ARID3A: variants seen among roughly 807,000 people sequenced by gnomAD.
ARID3A encodes AT-rich interactive domain-containing protein 3A.
In ARID3A, 11 loss-of-function variants were observed where a neutral mutation model predicts 52.7. The ratio of observed to expected loss-of-function variants is 0.21; its 90% confidence interval spans 0.13 to 0.35. ARID3A has a LOEUF of 0.35. Ranked by LOEUF, ARID3A falls within the 10% of genes least tolerant of loss-of-function variation. ARID3A has a pLI of 1.00. For synonymous variants in ARID3A, 404 were observed against 359.4 expected, an observed-to-expected ratio of 1.12 and a Z score of -1.40; for missense variants, 721 against 838.5, an observed-to-expected ratio of 0.86 and a Z score of 1.73.
At chr19:966,270 G>A (rs1308327492) in intron 6 of ARID3A, among the ~76,000 whole-genome samples, 1 of 151,658 alleles carries the variant, frequency 6.6e-6, no homozygotes, top group South Asian at 2.1e-4. Context: ...GACCAGCCTG[G>A]CCAACATGAA....
rs1030325099 is a variant in ARID3A, at chr19:929,975, A to G, written c.368+79A>G. The G allele has an allele frequency of 2.6e-6, 4 of 1,510,084 alleles. No homozygotes were observed. In the African/African-American group the frequency reaches 4.2e-5, roughly 16 times the overall value. 93.5% of individuals were successfully genotyped at this position (1,510,084 alleles called of 1,614,324 possible). A position where few individuals can be genotyped will look rare whatever the true frequency, so the allele number is the denominator to read the frequency against. On this transcript the variant is annotated intron_variant, in intron 2 of 8. Coordinates refer to ENST00000263620, the MANE Select transcript of ARID3A (RefSeq NM_005224.3). The surrounding 1 kb of genome is among the most constrained non-coding windows in gnomAD (Gnocchi z 6.2). ...TCACTCTGCTCATCTGCAGAATGGG[A>G]GTAAGGGTCAGGTCGCGGGATCTCC...
chr19:950,056 CAGAGTGA>C (rs1349271979), intron 3 of ARID3A, among the ~76,000 whole-genome samples: 1 of 146,322 alleles, frequency 6.8e-6, no homozygotes, highest in African/African-American at 2.5e-5. Context: ...AGGCCGTCCC[CAGAGTGA>C]ACGGATGGAT....
At chr19:965,141 C>A in intron 6 of ARID3A, 61 bp downstream of exon 6, 1 of 1,510,958 alleles carries the variant, frequency 6.6e-7, no homozygotes, top group Non-Finnish European at 8.9e-7. Context: ...GGCTGTCTGA[C>A]CTTGGGGGAT....
intron 3 of ARID3A, among the ~76,000 whole-genome samples, chr19:946,044 GA>G (rs2037671992): frequency 6.6e-6 from 1 of 152,046 alleles, no homozygotes; most frequent in Admixed American, 6.6e-5. Flanking sequence ...TCTCAGCAGG[GA>G]AAAATGAGGC....
chr19:966,918 G>C (rs773749032), intron 7 of ARID3A, 50 bp downstream of exon 7: 2 of 1,545,620 alleles, frequency 1.3e-6, no homozygotes, highest in East Asian at 4.5e-5. Context: ...GTGTCACACA[G>C]TGAGGGCCTT....
At chr19:951,390 C>T (rs183739999) in intron 3 of ARID3A, among the ~76,000 whole-genome samples, 38 of 151,976 alleles carry the variant, frequency 2.5e-4, no homozygotes, top group Admixed American at 2.5e-3. Context: ...AACCCCATCT[C>T]TACTAAAAAT....
chr19:944,508 C>T lies in ARID3A; in HGVS notation c.693+11766C>T, dbSNP rs1024806423. Among the ~76,000 whole-genome samples the T allele has an allele frequency of 7.2e-5, 11 of 152,170 alleles. No homozygotes were observed. Among genetic ancestry groups the T allele is most frequent in the Admixed American group, 5.9e-4 (9 of 15,278 alleles). On this transcript the variant is annotated intron_variant, in intron 3 of 8. Transcript: ENST00000263620. The surrounding 1 kb of genome is among the most constrained non-coding windows in gnomAD (Gnocchi z 5.9). ...ACCTTGACCCATCTCAGGGGCACCA[C>T]GCTCACTGCTACAAATGTGGGTCTT...
rs1452943053 is a variant in ARID3A, at chr19:973,131, G to A, written c.*1066G>A. The A allele has an allele frequency of 1.2e-3, 9 of 7,406 alleles. No individual in the cohort carries two copies. Among genetic ancestry groups the A allele is most frequent in the Non-Finnish European group, 2.2e-3 (5 of 2,254 alleles). 0.5% of individuals were successfully genotyped at this position (7,406 alleles called of 1,614,324 possible). ...TTTTTTTTTTTTTTTTTTTTGAGAC[G>A]GAGTTTTGCTCTTGTCGCCCAGGCT... On this transcript the variant is annotated 3_prime_UTR_variant, in exon 9 of 9. Transcript: ENST00000263620.
Position 938,024 on chromosome 19 carries a change from A to C in ARID3A, c.693+5282A>C, listed in dbSNP as rs1246375157. Among the ~76,000 whole-genome samples the C allele has an allele frequency of 6.6e-6, 1 of 151,422 alleles. No homozygotes were observed. Among genetic ancestry groups the C allele is most frequent in the African/African-American group, 2.4e-5 (1 of 41,168 alleles). On this transcript the variant is annotated intron_variant, in intron 3 of 8. Coordinates refer to ENST00000263620, the MANE Select transcript of ARID3A (RefSeq NM_005224.3). This position sits in a 1 kb window ranked among gnomAD's most constrained non-coding sequence, Gnocchi z 4.0. ...CGCCCGGCTAATTTTTTGTATTTTT[A>C]GTAGAGACGGGGTTTCACCGTGTTG...
At chr19:951,037 G>T (rs965426560) in intron 3 of ARID3A, among the ~76,000 whole-genome samples, 3 of 151,840 alleles carry the variant, frequency 2.0e-5, no homozygotes, top group African/African-American at 7.2e-5. Context: ...GGTCAGGCTG[G>T]TCTCAAACTC....
At chr19:967,044 G>A (rs1040725827) in intron 7 of ARID3A, among the ~76,000 whole-genome samples, 176 bp downstream of exon 7, 2 of 152,132 alleles carry the variant, frequency 1.3e-5, no homozygotes, top group African/African-American at 4.8e-5. Flanking sequence ...GATCACTTGA[G>A]GTCAGGAGTT....
chr19:947,317 C>T lies in ARID3A; in HGVS notation c.694-12775C>T, dbSNP rs1209464934. 2.0e-5 allele frequency among the ~76,000 whole-genome samples: 3 copies of T among 152,180 alleles called. No individual in the cohort carries two copies. Among genetic ancestry groups the T allele is most frequent in the African/African-American group, 7.2e-5 (3 of 41,420 alleles). ...AGGGACTGCGGGCCCCAGATTTCCA[C>T]GTCATATCTCGCCGCCATGGGGCTG... On this transcript the variant is annotated intron_variant, in intron 3 of 8. Transcript: ENST00000263620. This position sits in a 1 kb window ranked among gnomAD's most constrained non-coding sequence, Gnocchi z 6.3.
intron 8 of ARID3A, among the ~76,000 whole-genome samples, chr19:970,498 C>CTTTT (rs1177419405): frequency 1.8e-4 from 16 of 88,342 alleles, no homozygotes; most frequent in Non-Finnish European, 3.2e-4. Context: ...AATAGTTTTT[C>CTTTT]TTTTTTTTTT....
chr19:932,591 A>C lies in ARID3A; in HGVS notation c.542A>C (p.Gln181Pro), dbSNP rs995146387. The part of the protein sequence containing the change: ...ALFPRKAQPP[Q>P]AFRGDGVPRV... Reference sequence around the variant, plus strand: ...TTCCCCCGAAAGGCCCAGCCACCCCAGGCCTTCCGCGGCGATGGCGTTCCC... The same window carrying C: ...TTCCCCCGAAAGGCCCAGCCACCCCCGGCCTTCCGCGGCGATGGCGTTCCC... Residue 181 changes from glutamine to proline, a missense_variant, in exon 3 of 9, where the codon CAG becomes CCG. Physicochemically the swap from Gln to Pro is moderately conservative, Grantham distance 76. Around this residue, in one of 5 missense-constraint regions of ARID3A, gnomAD observed 349 missense variants for 297.3 expected, o/e 1.17. Transcript: ENST00000263620. 1 of 1,516,142 alleles carries C rather than the reference A, an allele frequency of 6.6e-7. No homozygotes were observed. The highest frequency in any genetic ancestry group is 1.4e-5 in the African/African-American group (1 of 70,956). 93.9% of individuals were successfully genotyped at this position (1,516,142 alleles called of 1,614,324 possible). A position where few individuals can be genotyped will look rare whatever the true frequency, so the allele number is the denominator to read the frequency against.
intron 8 of ARID3A, among the ~76,000 whole-genome samples, chr19:969,836 G>C (rs1264673791): frequency 0.012 from 1,847 of 151,102 alleles, 41 homozygotes; most frequent in African/African-American, 0.042. Context: ...CTACAGGCGT[G>C]TGTCACCACA....
chr19:966,021 T>C (rs893720602), intron 6 of ARID3A, among the ~76,000 whole-genome samples: 5 of 145,038 alleles, frequency 3.4e-5, no homozygotes, highest in African/African-American at 5.1e-5. Flanking sequence ...ATTAGCTTAG[T>C]GTGGTGGTGG....
At chr19:968,527 T>A (rs779802062) in intron 8 of ARID3A, 24 bp downstream of exon 8, 1 of 1,607,240 alleles carries the variant, frequency 6.2e-7, no homozygotes, top group East Asian at 2.2e-5. Flanking sequence ...GGCCACGCCC[T>A]GCCTGGACCT....
chr19:972,819 A>C lies in ARID3A; in HGVS notation c.*754A>C, dbSNP rs997935342. Reference sequence around the variant, plus strand: ...AAAAAAGCAAAAAAAAAAAAAAAAAAAAAAAAAAAAAACTCACCTTTTTAT... The same window carrying C: ...AAAAAAGCAAAAAAAAAAAAAAAAACAAAAAAAAAAAACTCACCTTTTTAT... On this transcript the variant is annotated 3_prime_UTR_variant, in exon 9 of 9. Transcript: ENST00000263620. The C allele has an allele frequency of 9.3e-5, 17 of 183,656 alleles. No homozygotes were observed. The highest frequency in any genetic ancestry group is 5.0e-4 in the Admixed American group (8 of 15,958). The allele number at this position is 183,656 out of a possible 1,614,324, so 11.4% of individuals were successfully genotyped here. A position where few individuals can be genotyped will look rare whatever the true frequency, so the allele number is the denominator to read the frequency against.
chr19:974,476 TCCCACGCCTGGGC>T lies in ARID3A; in HGVS notation c.*2415_*2427del, dbSNP rs994937776. The T allele has an allele frequency of 1.3e-5, 3 of 230,546 alleles. No homozygotes were observed. The highest frequency in any genetic ancestry group is 6.7e-5 in the African/African-American group (3 of 45,094). The allele number at this position is 230,546 out of a possible 1,614,324, so 14.3% of individuals were successfully genotyped here. On this transcript the variant is annotated 3_prime_UTR_variant, in exon 9 of 9. Coordinates refer to ENST00000263620, the MANE Select transcript of ARID3A (RefSeq NM_005224.3). ...CAGGGCTCCTCTCCCGGGACCCCCG[TCCCACGCCTGGGC>T]CCCGCGCCGGGGGAAGCGCCTGCTG... is the stretch of plus-strand genomic sequence containing the variant.
Sources: allele counts gnomAD v4.1 joint callset (sites outside exome capture counted in the v4.1 genomes callset), GRCh38; gene constraint gnomAD v4.1.1; regional missense constraint gnomAD v4.1.1; non-coding constraint Gnocchi (gnomAD v3.1); transcripts MANE v1.5; gene names NCBI Gene and HGNC (gene_info 2026-07-23, HGNC 2026-07-21).